The following HERC1 variants were observed in gnomAD, a reference collection of about 807,000 sequenced individuals.
HERC1 encodes HECT and RLD domain containing E3 ubiquitin protein ligase family member 1.
In HERC1, 160 loss-of-function variants were observed where a neutral mutation model predicts 554.3. The observed-to-expected ratio is 0.29, with a 90% confidence interval of 0.25 to 0.33. The LOEUF is 0.33. Ranked by LOEUF, HERC1 falls within the 10% of genes least tolerant of loss-of-function variation. HERC1 has a pLI of 1.00. For missense variants in HERC1, 4,919 were observed against 5,918.5 expected, an observed-to-expected ratio of 0.83 and a Z score of 5.54; for synonymous variants, 2,175 against 2,131.7, an observed-to-expected ratio of 1.02 and a Z score of -0.56.
chr15:63,771,926 T>C (rs1464330904), intron 2 of HERC1, among the ~76,000 whole-genome samples: 2 of 152,006 alleles, frequency 1.3e-5, no homozygotes, highest in Non-Finnish European at 2.9e-5. Context: ...TACTTTAAGG[T>C]AGGCCTTCAT....
At chr15:63,814,884 T>C (rs2077445779) in intron 1 of HERC1, among the ~76,000 whole-genome samples, 1 of 152,226 alleles carries the variant, frequency 6.6e-6, no homozygotes, top group South Asian at 2.1e-4. Flanking sequence ...TAAGAATTCA[T>C]ATGAAAGTAT....
chr15:63,675,438 C>T (rs2071148755), intron 37 of HERC1, among the ~76,000 whole-genome samples: 1 of 152,214 alleles, frequency 6.6e-6, no homozygotes, highest in African/African-American at 2.4e-5. Context: ...CACACAGTCT[C>T]AGCTGCAACC....
intron 26 of HERC1, 101 bp from the exon 27 acceptor site, chr15:63,696,440 A>G (rs2072418299): frequency 1.4e-6 from 1 of 733,608 alleles, no homozygotes; most frequent in African/African-American, 1.8e-5. Flanking sequence ...AAATTCTGAC[A>G]TTTCATATGA....
chr15:63,624,022 C>CA, intron 72 of HERC1, 132 bp from the exon 73 acceptor site: 1 of 1,233,360 alleles, frequency 8.1e-7, no homozygotes. Context: ...ACTGTAACCA[C>CA]ACCAGGTACT....
intron 74 of HERC1, among the ~76,000 whole-genome samples, chr15:63,618,660 C>G (rs1428194109): frequency 2.0e-5 from 3 of 152,124 alleles, no homozygotes; most frequent in Admixed American, 1.3e-4. Context: ...CCATTTATTT[C>G]TATCCTGTTT....
intron 1 of HERC1, among the ~76,000 whole-genome samples, chr15:63,784,078 A>AAG (rs2076367255): frequency 6.6e-6 from 1 of 151,804 alleles, no homozygotes; most frequent in Admixed American, 6.6e-5. Flanking sequence ...AAAAAAAAAA[A>AAG]AGAATAAAAC....
In HERC1 at chr15:63,725,526, T is replaced by A. The variant is rs768806831; in HGVS notation, c.3347-13A>T. ...AGTTCTGGCCCTCCTAAAGACAAAA[T>A]CATTAGTTATTGTGTCTTTATCTGG... On this transcript the variant is annotated splice_polypyrimidine_tract_variant and intron_variant, in intron 17 of 77. Transcript: ENST00000443617. 1.2e-6 allele frequency: 2 copies of A among 1,604,094 alleles called. No homozygotes were observed. Among genetic ancestry groups the A allele is most frequent in the East Asian group, 4.5e-5 (2 of 44,838 alleles).
At chr15:63,827,230 G>C (rs2077971088) in intron 1 of HERC1, among the ~76,000 whole-genome samples, 1 of 152,094 alleles carries the variant, frequency 6.6e-6, no homozygotes, top group Admixed American at 6.5e-5. Context: ...TTCGAGACCA[G>C]CCTGGGCAAC....
chr15:63,828,743 G>A (rs2078026311), intron 1 of HERC1, among the ~76,000 whole-genome samples: 1 of 152,114 alleles, frequency 6.6e-6, no homozygotes, highest in African/African-American at 2.4e-5. Context: ...TAGGGTTGGA[G>A]GGAACCCAAA....
At position 63,659,861 on chromosome 15, in the gene HERC1, G is replaced by A. The variant is rs749581255; in HGVS notation, c.9299C>T (p.Pro3100Leu). The change falls in exon 47 of 78, where the codon CCG becomes CTG. Residue 3100 changes from proline to leucine, a missense_variant. Coordinates refer to ENST00000443617, the MANE Select transcript of HERC1 (RefSeq NM_003922.4). ...AATGCGCCGGTCATTTAAACCAAGC[G>A]GTCCAGCAAGTAATTCAAATTCTTC... ...GEEEFELLAG[P>L]LGLNDRRIVP... 7 of 1,613,616 alleles carry A rather than the reference G, an allele frequency of 4.3e-6. No individual in the cohort carries two copies. Among genetic ancestry groups the A allele is most frequent in the Admixed American group, 1.7e-5 (1 of 59,992 alleles).
intron 30 of HERC1, among the ~76,000 whole-genome samples, chr15:63,693,347 G>A (rs1462068603): frequency 6.6e-6 from 1 of 151,362 alleles, no homozygotes; most frequent in Non-Finnish European, 1.5e-5. Flanking sequence ...GGGTTCAAGT[G>A]ATTCTTGTGC....
chr15:63,747,699 G>A, intron 11 of HERC1, 25 bp downstream of exon 11: 2 of 1,438,044 alleles, frequency 1.4e-6, no homozygotes, highest in Non-Finnish European at 1.9e-6. Context: ...CACACACAAA[G>A]ATACAAAACA....
rs1427972389 is a variant in HERC1 at position 63,677,884 on chromosome 15, G to T, written c.7031C>A (p.Ser2344Tyr). 6.2e-7 allele frequency: 1 copy of T among 1,613,826 alleles called. No individual in the cohort carries two copies. The highest frequency in any genetic ancestry group is 8.5e-7 in the Non-Finnish European group (1 of 1,179,862). Residue 2344 changes from serine (S) to tyrosine (Y), a missense_variant, in exon 37 of 78, where the codon TCT (serine) becomes TAT (tyrosine). Around this residue, in one of 11 missense-constraint regions of HERC1, gnomAD observed 1,963 missense variants for 2,228.6 expected, o/e 0.88. Transcript: ENST00000443617. The surrounding 1 kb of genome is among the most constrained non-coding windows in gnomAD (Gnocchi z 4.4). ...TGCTTCATCCCATTGGACCTTGGCAGACGTGCTGCCCTCTTTGACCACTCC... is the reference window on the plus strand; with the variant it reads ...TGCTTCATCCCATTGGACCTTGGCATACGTGCTGCCCTCTTTGACCACTCC... ...LLGVVKEGST[S>Y]AKVQWDEAEI...
chr15:63,702,117 G>C lies in HERC1; in HGVS notation c.4637-3121C>G, dbSNP rs188738192. ...CATAAAATATGTAGGCAAGCTAAAA[G>C]GGGAAAAAAATTAAACATGCCATCA... On this transcript the variant is annotated intron_variant, in intron 25 of 77. Transcript: ENST00000443617. Among the ~76,000 whole-genome samples, 233 of 152,176 alleles carry C rather than the reference G, an allele frequency of 1.5e-3. 2 individuals carry two copies. Among genetic ancestry groups the C allele is most frequent in the Middle Eastern group, 3.4e-3 (1 of 294 alleles).
At chr15:63,784,169 T>C (rs1396779515) in intron 1 of HERC1, among the ~76,000 whole-genome samples, 1 of 152,126 alleles carries the variant, frequency 6.6e-6, no homozygotes, top group Non-Finnish European at 1.5e-5. Context: ...TCCAAGATGA[T>C]AAATCTAATC....
At chr15:63,788,278 A>T (rs944460943) in intron 1 of HERC1, among the ~76,000 whole-genome samples, 1 of 152,210 alleles carries the variant, frequency 6.6e-6, no homozygotes, top group Non-Finnish European at 1.5e-5. Flanking sequence ...CCCTCAATGA[A>T]GGATGCATTT....
At chr15:63,642,882 T>G in intron 59 of HERC1, 75 bp downstream of exon 59, 1 of 832,532 alleles carries the variant, frequency 1.2e-6, no homozygotes. Flanking sequence ...CTCCATAAAG[T>G]GGGGTGGTTA....
intron 12 of HERC1, among the ~76,000 whole-genome samples, chr15:63,745,417 AG>A (rs755176790): frequency 5.9e-5 from 9 of 152,214 alleles, no homozygotes; most frequent in Non-Finnish European, 1.2e-4. Flanking sequence ...CAAGCCTTGC[AG>A]GAATTCAAAT....
intron 55 of HERC1, among the ~76,000 whole-genome samples, chr15:63,647,663 G>C (rs1042519370): frequency 1.3e-5 from 2 of 152,206 alleles, no homozygotes; most frequent in African/African-American, 4.8e-5. Context: ...GGAATACTAT[G>C]CAGCCATAAA....
Sources: gnomAD v4.1 joint callset for allele counts (sites outside exome capture counted in the v4.1 genomes callset) on GRCh38, gnomAD v4.1.1 for gene constraint, gnomAD v4.1.1 regional missense constraint, Gnocchi (gnomAD v3.1) non-coding constraint, MANE v1.5 for transcripts, NCBI Gene and HGNC (gene_info 2026-07-23, HGNC 2026-07-21) for gene names.